The following NEBL variants were observed in gnomAD, a reference collection of about 807,000 sequenced individuals.
NEBL encodes the protein nebulette, also known as LIM and SH3 protein 2.
NEBL carries 122 observed loss-of-function variants against 140.2 expected under a neutral mutation model. The ratio of observed to expected loss-of-function variants is 0.87; its 90% confidence interval spans 0.75 to 1.01. The LOEUF (loss-of-function observed/expected upper bound fraction) is 1.01. Among genes scored for constraint, NEBL ranks in the 50% least tolerant of loss-of-function variants. NEBL has a pLI of 0.00. For missense variants in NEBL, 1,365 were observed against 1,231.3 expected, an observed-to-expected ratio of 1.11 and a Z score of -1.62; for synonymous variants, 436 against 398.9, an observed-to-expected ratio of 1.09 and a Z score of -1.11.
At chr10:21,096,307 G>A (rs537037056) in intron 2 of NEBL, among the ~76,000 whole-genome samples, 2 of 152,056 alleles carry the variant, frequency 1.3e-5, no homozygotes, top group South Asian at 4.2e-4. Flanking sequence ...TCCCCTTGTT[G>A]GATATACATG....
chr10:21,278,835 A>G (rs1842956008), intron 1 of NEBL, among the ~76,000 whole-genome samples: 1 of 152,156 alleles, frequency 6.6e-6, no homozygotes, highest in Non-Finnish European at 1.5e-5. Context: ...GGTTAGAATC[A>G]GGCCTCCTCA....
chr10:21,002,512 T>C (rs985695697), intron 3 of NEBL, among the ~76,000 whole-genome samples: 2 of 152,166 alleles, frequency 1.3e-5, no homozygotes, highest in African/African-American at 2.4e-5. Flanking sequence ...ATTGTATTAG[T>C]CCATTCTCAC....
chr10:20,955,826 C>T (rs1835773874), intron 4 of NEBL, among the ~76,000 whole-genome samples: 1 of 150,334 alleles, frequency 6.7e-6, no homozygotes, highest in Non-Finnish European at 1.5e-5. Context: ...CACAGTGAAA[C>T]TGAAAAGAAA....
chr10:20,953,709 C>T (rs1429550106), intron 4 of NEBL, among the ~76,000 whole-genome samples: 3 of 151,856 alleles, frequency 2.0e-5, no homozygotes, highest in Non-Finnish European at 2.9e-5. Flanking sequence ...AGTAAAAGAT[C>T]GTGTTTATCA....
intron 3 of NEBL, among the ~76,000 whole-genome samples, chr10:21,180,918 C>T (rs11594335): frequency 0.22 from 33,338 of 151,954 alleles, 3,838 homozygotes; most frequent in East Asian, 0.34. Context: ...ATTAGAAAAT[C>T]ATTACCTGCA....
chr10:20,889,032 C>T (rs703101), intron 3 of NEBL, among the ~76,000 whole-genome samples: 34,690 of 152,146 alleles, frequency 0.23, 4,325 homozygotes, highest in East Asian at 0.41. Context: ...TGAAAGAAAA[C>T]GTACTGATTT....
Position 21,079,006 on chromosome 10 carries a change from T to A in NEBL, c.165-58805A>T, listed in dbSNP as rs552143125. Reference sequence around the variant, plus strand: ...CAGCCTTTATAGAAACATCAGAATGTCTGTATTTCTACCACCTCCAGATCT... The same window carrying A: ...CAGCCTTTATAGAAACATCAGAATGACTGTATTTCTACCACCTCCAGATCT... On this transcript the variant is annotated intron_variant, in intron 2 of 6. Coordinates refer to the NEBL transcript ENST00000417816. Among the ~76,000 whole-genome samples the A allele has an allele frequency of 2.6e-5, 4 of 152,340 alleles. 1 individual carries two copies. The highest frequency in any genetic ancestry group is 4.1e-4 in the South Asian group (2 of 4,832).
intron 4 of NEBL, among the ~76,000 whole-genome samples, chr10:20,956,552 C>T (rs572686515): frequency 1.3e-5 from 2 of 152,238 alleles, no homozygotes; most frequent in South Asian, 2.1e-4. Context: ...GACCTCATAA[C>T]TAATCGTCTA....
intron 3 of NEBL, among the ~76,000 whole-genome samples, chr10:20,979,691 GT>G (rs746237709): frequency 6.6e-6 from 1 of 151,914 alleles, no homozygotes; most frequent in Non-Finnish European, 1.5e-5. Context: ...ATATAACACA[GT>G]TTTTTTTAAT....
chr10:20,951,562 T>G (rs1201361063), intron 4 of NEBL, among the ~76,000 whole-genome samples: 3 of 152,180 alleles, frequency 2.0e-5, no homozygotes, highest in East Asian at 3.8e-4. Context: ...ACCAATGGAT[T>G]TTGAATTAAA....
chr10:21,136,445 C>T (rs536815646), intron 2 of NEBL, among the ~76,000 whole-genome samples: 2 of 152,168 alleles, frequency 1.3e-5, no homozygotes, highest in Non-Finnish European at 2.9e-5. Context: ...CCTCTCACCT[C>T]AGCCTCCCAA....
chr10:20,920,765 T>A (rs1418373131), intron 4 of NEBL, among the ~76,000 whole-genome samples: 1 of 152,152 alleles, frequency 6.6e-6, no homozygotes, highest in African/African-American at 2.4e-5. Context: ...ATTAAAAATA[T>A]ATAAATAACT....
chr10:21,074,285 C>T (rs1031627826), intron 2 of NEBL, among the ~76,000 whole-genome samples: 3 of 152,046 alleles, frequency 2.0e-5, no homozygotes, highest in Non-Finnish European at 2.9e-5. Flanking sequence ...TTACTCTACA[C>T]ATCTTTAAGT....
chr10:21,219,295 AG>A, intron 3 of NEBL, among the ~76,000 whole-genome samples: 1 of 152,380 alleles, frequency 6.6e-6, no homozygotes, highest in South Asian at 2.1e-4. Flanking sequence ...TAAATTACAA[AG>A]TAGTCAGGAC....
chr10:21,242,338 G>A (rs1372455135), intron 3 of NEBL, among the ~76,000 whole-genome samples: 1 of 152,208 alleles, frequency 6.6e-6, no homozygotes, highest in Admixed American at 6.5e-5. Flanking sequence ...TGGAGCTGGA[G>A]GCCTTTATCC....
At chr10:21,044,311 C>T (rs972626786) in intron 2 of NEBL, among the ~76,000 whole-genome samples, 7 of 142,646 alleles carry the variant, frequency 4.9e-5, no homozygotes, top group South Asian at 2.3e-4. Flanking sequence ...GCAGGAGAAT[C>T]GCTTGAACCC....
intron 4 of NEBL, among the ~76,000 whole-genome samples, chr10:20,882,537 G>A (rs1564417509): frequency 6.6e-6 from 1 of 152,126 alleles, no homozygotes; most frequent in Non-Finnish European, 1.5e-5. Context: ...GCCTAACATA[G>A]TGAATGACAG....
chr10:20,957,096 G>A (rs956167696), intron 4 of NEBL, among the ~76,000 whole-genome samples: 3 of 152,130 alleles, frequency 2.0e-5, no homozygotes, highest in African/African-American at 7.2e-5. Flanking sequence ...CTACCCTCAT[G>A]TTCACCCTTG....
chr10:21,200,898 A>T (rs912272998), intron 3 of NEBL, among the ~76,000 whole-genome samples: 1 of 152,096 alleles, frequency 6.6e-6, no homozygotes, highest in Non-Finnish European at 1.5e-5. Context: ...GTTTGAGAGC[A>T]GCCTGGGCAA....
Sources: allele counts gnomAD v4.1 joint callset (sites outside exome capture counted in the v4.1 genomes callset), GRCh38; gene constraint gnomAD v4.1.1; transcripts MANE v1.5; gene names NCBI Gene and HGNC (gene_info 2026-07-23, HGNC 2026-07-21).